Variants in NOL4 observed in about 807,000 individuals in gnomAD.
NOL4 encodes cancer/testis antigen 125.
Under a neutral mutation model 75.9 loss-of-function variants are expected in NOL4, and 17 were observed. That is an observed-to-expected ratio of 0.22 (90% CI 0.15 to 0.34). NOL4 has a LOEUF of 0.34. Among genes scored for constraint, NOL4 ranks in the 10% least tolerant of loss-of-function variants. The probability of loss-of-function intolerance (pLI) is 1.00; values close to 1 mark genes in which losing one functional copy is unlikely to be tolerated. For synonymous variants in NOL4, 292 were observed against 289.9 expected (o/e 1.01, Z -0.07); for missense variants, 614 against 793.5 (o/e 0.77, Z 2.72).
chr18:34,116,259 A>G (rs1428719542), intron 2 of NOL4, among the ~76,000 whole-genome samples: 1 of 151,964 alleles, frequency 6.6e-6, no homozygotes, highest in Non-Finnish European at 1.5e-5. Flanking sequence ...AGTTCTATAA[A>G]GGGCATGGTT....
chr18:34,114,296 G>T (rs1315570888), intron 2 of NOL4, among the ~76,000 whole-genome samples: 1 of 152,156 alleles, frequency 6.6e-6, no homozygotes, highest in Admixed American at 6.5e-5. Flanking sequence ...GAAAGATAGA[G>T]TATTTCCTTA....
At chr18:33,934,777 T>C (rs1360509128) in intron 9 of NOL4, among the ~76,000 whole-genome samples, 1 of 152,152 alleles carries the variant, frequency 6.6e-6, no homozygotes, top group East Asian at 1.9e-4. Context: ...TGGTTTGATC[T>C]TCTATAAGAC....
At position 34,044,932 on chromosome 18, in the gene NOL4, A is replaced by T. The variant is rs970777886; in HGVS notation, c.773-25331T>A. Among the ~76,000 whole-genome samples the T allele has an allele frequency of 2.6e-5, 4 of 152,160 alleles. 1 individual carries two copies. On this transcript the variant is annotated intron_variant, in intron 5 of 10. Coordinates refer to ENST00000261592, the MANE Select transcript of NOL4 (RefSeq NM_003787.5). ...CTGTGCTTACTTTATCACACTGCCCACTACAAAATAATACAATTTTCCATT... is the reference window on the plus strand; with the variant it reads ...CTGTGCTTACTTTATCACACTGCCCTCTACAAAATAATACAATTTTCCATT...
Position 33,852,058 on chromosome 18 carries a change from A to C in NOL4, c.*784T>G, listed in dbSNP as rs1166582900. 6.6e-6 allele frequency: 1 copy of C among 152,542 alleles called. No individual in the cohort carries two copies. Among genetic ancestry groups the C allele is most frequent in the African/African-American group, 2.4e-5 (1 of 41,526 alleles). The allele number at this position is 152,542 out of a possible 1,614,324, so 9.4% of individuals were successfully genotyped here. A position where few individuals can be genotyped will look rare whatever the true frequency, so the allele number is the denominator to read the frequency against. On this transcript the variant is annotated 3_prime_UTR_variant, in exon 11 of 11. Transcript: ENST00000261592. Reference sequence around the variant, plus strand: ...ATTAAAAAAAAAATTCTGGGATGAAAACTGCTATGATAAAGTTGCAGTGTT... The same window carrying C: ...ATTAAAAAAAAAATTCTGGGATGAACACTGCTATGATAAAGTTGCAGTGTT...
At chr18:34,123,799 A>G (rs1194112607) in intron 2 of NOL4, among the ~76,000 whole-genome samples, 4 of 151,006 alleles carry the variant, frequency 2.6e-5, no homozygotes, top group South Asian at 2.1e-4. Context: ...TAGATATTTT[A>G]TATTTATATA....
intron 5 of NOL4, among the ~76,000 whole-genome samples, chr18:34,034,193 C>T (rs1428816804): frequency 1.3e-5 from 2 of 151,884 alleles, no homozygotes; most frequent in Non-Finnish European, 2.9e-5. Context: ...AAATGACAGA[C>T]AATAAGGAAA....
chr18:34,115,077 A>C (rs2145783478), intron 2 of NOL4, among the ~76,000 whole-genome samples: 1 of 152,274 alleles, frequency 6.6e-6, no homozygotes. Context: ...TCTAACAAAG[A>C]GCAGCCTGGA....
At chr18:33,930,112 C>A (rs1362170237) in intron 9 of NOL4, among the ~76,000 whole-genome samples, 2 of 151,994 alleles carry the variant, frequency 1.3e-5, no homozygotes, top group Non-Finnish European at 2.9e-5. Context: ...ATATTATGTG[C>A]ACAATGAATT....
At chr18:34,158,218 GT>G in intron 1 of NOL4, among the ~76,000 whole-genome samples, 1 of 152,220 alleles carries the variant, frequency 6.6e-6, no homozygotes, top group South Asian at 2.1e-4. Context: ...AGAGCAAGGG[GT>G]TGTGACCAAC....
chr18:33,989,766 C>A (rs2072776448), intron 6 of NOL4, among the ~76,000 whole-genome samples: 1 of 151,988 alleles, frequency 6.6e-6, no homozygotes, highest in Non-Finnish European at 1.5e-5. Context: ...AAATGTCTGA[C>A]AAAATAAAAG....
chr18:33,911,389 C>T (rs1451574934), intron 9 of NOL4, among the ~76,000 whole-genome samples: 1 of 152,050 alleles, frequency 6.6e-6, no homozygotes, highest in Non-Finnish European at 1.5e-5. Context: ...TGCTCACCCT[C>T]CTAAATTGAC....
intron 6 of NOL4, among the ~76,000 whole-genome samples, chr18:33,989,847 T>C (rs965382836): frequency 4.6e-5 from 7 of 152,136 alleles, no homozygotes; most frequent in Admixed American, 6.6e-5. Flanking sequence ...CATTATGCCC[T>C]ATATAGCACG....
chr18:33,916,704 G>A (rs143391010), intron 9 of NOL4, among the ~76,000 whole-genome samples: 15 of 152,216 alleles, frequency 9.9e-5, no homozygotes, highest in African/African-American at 3.6e-4. Context: ...TAAACAAAAC[G>A]TTGTATAATA....
chr18:33,879,780 C>T (rs188872154), intron 10 of NOL4, among the ~76,000 whole-genome samples: 6 of 150,810 alleles, frequency 4.0e-5, no homozygotes, highest in Admixed American at 4.0e-4. Flanking sequence ...CTTTTATTGG[C>T]AACTTTTTTT....
chr18:34,058,541 C>T (rs1344965345), intron 5 of NOL4, among the ~76,000 whole-genome samples: 1 of 152,152 alleles, frequency 6.6e-6, no homozygotes, highest in African/African-American at 2.4e-5. Flanking sequence ...GTAAACTTTA[C>T]TGGAAAAACC....
At chr18:34,164,804 C>A (rs12959203) in intron 1 of NOL4, among the ~76,000 whole-genome samples, 1 of 151,284 alleles carries the variant, frequency 6.6e-6, no homozygotes. Context: ...ATGTTTATTG[C>A]GGCACTATTC....
At chr18:34,127,462 T>G (rs1333926942) in intron 2 of NOL4, among the ~76,000 whole-genome samples, 1 of 151,958 alleles carries the variant, frequency 6.6e-6, no homozygotes. Flanking sequence ...TATAAGCTAA[T>G]GTTTAAGAAT....
intron 2 of NOL4, 132 bp from the exon 3 acceptor site, chr18:34,105,292 G>A: frequency 1.7e-6 from 1 of 589,790 alleles, no homozygotes; most frequent in South Asian, 2.1e-5. Context: ...AGCATGCATT[G>A]CATACCATGC....
intron 1 of NOL4, among the ~76,000 whole-genome samples, chr18:34,134,339 TAAAAATATAATTA>T (rs963656068): frequency 9.9e-5 from 15 of 151,738 alleles, no homozygotes; most frequent in Non-Finnish European, 2.1e-4. Context: ...AAATATAATT[TAAAAATATAATTA>T]AAAAAGAGAC....
Sources: gnomAD v4.1 joint callset for allele counts (sites outside exome capture counted in the v4.1 genomes callset) on GRCh38, gnomAD v4.1.1 for gene constraint, MANE v1.5 for transcripts, NCBI Gene and HGNC (gene_info 2026-07-23, HGNC 2026-07-21) for gene names.